ZNF439: variants seen among roughly 807,000 people sequenced by gnomAD.
ZNF439 encodes the protein zinc finger protein 439.
A neutral mutation model predicts 47.3 loss-of-function variants in ZNF439; 40 were observed. That is an observed-to-expected ratio of 0.85 (90% confidence interval 0.66 to 1.10). The LOEUF (loss-of-function observed/expected upper bound fraction) is 1.10. ZNF439 is among the 50% of genes least tolerant of loss of function. The pLI, the probability that ZNF439 is intolerant of heterozygous loss-of-function variation, is 0.00. For synonymous variants in ZNF439, 171 were observed against 198.8 expected (o/e 0.86, Z 1.18); for missense variants, 556 against 601.1 (o/e 0.93, Z 0.78).
rs570522228 is a variant in ZNF439 at position 11,855,810 on chromosome 19, T to C, written c.63+6880T>C. ...CTGACGCTCCAGTAGTTTCTCAGCT[T>C]CTTGCATGGTTTTCTTGAGTTGTCC... is the stretch of plus-strand genomic sequence containing the variant. On this transcript the variant is annotated intron_variant, in intron 1 of 3. Transcript: ENST00000682736. Among the ~76,000 whole-genome samples, 6 of 152,326 alleles carry C rather than the reference T, an allele frequency of 3.9e-5. No individual in the cohort carries two copies. The South Asian group carries it at 1.0e-3, about 26-fold the overall frequency.
At chr19:11,852,634 C>G (rs1285574287) in intron 1 of ZNF439, among the ~76,000 whole-genome samples, 2 of 151,956 alleles carry the variant, frequency 1.3e-5, no homozygotes, top group Non-Finnish European at 2.9e-5. Flanking sequence ...CTTAGCCTCC[C>G]AAGTAGCTGG....
At position 11,852,671 on chromosome 19, in the gene ZNF439, G is replaced by A. The variant is rs141758339; in HGVS notation, c.63+3741G>A. On this transcript the variant is annotated intron_variant, in intron 1 of 3. Coordinates refer to ENST00000682736, the MANE Select transcript of ZNF439 (RefSeq NM_001348719.2). ...ATTACAGGTACATGCCACCATACTC[G>A]GCTAATTTTTGTATTTTTAGTAAAG... Among the ~76,000 whole-genome samples the A allele has an allele frequency of 9.4e-4, 143 of 152,080 alleles. 2 individuals carry two copies. In the East Asian group the frequency reaches 0.014, roughly 15 times the overall value.
intron 1 of ZNF439, among the ~76,000 whole-genome samples, chr19:11,861,902 G>T (rs1467513619): frequency 1.3e-5 from 2 of 152,126 alleles, no homozygotes; most frequent in African/African-American, 4.8e-5. Flanking sequence ...ACATCAGATT[G>T]TCTTTTGGTT....
intron 1 of ZNF439, among the ~76,000 whole-genome samples, chr19:11,862,350 G>A (rs1044151018): frequency 6.6e-6 from 1 of 151,920 alleles, no homozygotes; most frequent in African/African-American, 2.4e-5. Context: ...GGGAGACTGA[G>A]GTGAGAAGAT....
At chr19:11,857,131 G>T (rs1976407686) in intron 1 of ZNF439, 1 of 152,188 alleles carries the variant, frequency 6.6e-6, no homozygotes, top group African/African-American at 2.4e-5. Context: ...CCCTTTGGAA[G>T]AGCCATCGGT....
chr19:11,855,868 C>T (rs282751), intron 1 of ZNF439, among the ~76,000 whole-genome samples: 27,342 of 152,088 alleles, frequency 0.18, 3,389 homozygotes, highest in African/African-American at 0.35. Context: ...GTTGTGACTC[C>T]GGTCAGCCTT....
chr19:11,849,018 T>C (rs995401347), intron 1 of ZNF439, 88 bp downstream of exon 1: 23 of 1,379,566 alleles, frequency 1.7e-5, no homozygotes, highest in Non-Finnish European at 2.2e-5. Context: ...GACTCCGGGG[T>C]CTGGGACCGA....
At chr19:11,856,268 TC>T (rs1976383894) in intron 1 of ZNF439, 2 of 152,228 alleles carry the variant, frequency 1.3e-5, no homozygotes, top group Non-Finnish European at 2.9e-5. Flanking sequence ...TTCTGTTTTT[TC>T]AACATGCATT....
At chr19:11,863,152 C>CT (rs34655587) in intron 1 of ZNF439, among the ~76,000 whole-genome samples, 16,317 of 90,124 alleles carry the variant, frequency 0.18, 2,792 homozygotes, top group Non-Finnish European at 0.26. Flanking sequence ...AAAGATTTTG[C>CT]TTTTTTTTTT....
chr19:11,863,850 C>T (rs140238394), intron 1 of ZNF439, among the ~76,000 whole-genome samples: 1 of 152,208 alleles, frequency 6.6e-6, no homozygotes, highest in African/African-American at 2.4e-5. Context: ...TTTGCTAATC[C>T]AGGTGTTTCA....
intron 1 of ZNF439, among the ~76,000 whole-genome samples, chr19:11,854,476 G>A (rs762924855): frequency 5.9e-5 from 9 of 152,054 alleles, no homozygotes; most frequent in Non-Finnish European, 8.8e-5. Flanking sequence ...TTATGTGTTT[G>A]TGGCCAGGCA....
At chr19:11,854,992 C>T (rs76546609) in intron 1 of ZNF439, among the ~76,000 whole-genome samples, 3,475 of 152,192 alleles carry the variant, frequency 0.023, 75 homozygotes, top group East Asian at 0.078. Flanking sequence ...ATCCCAACCC[C>T]GATGCTGCCA....
Position 11,866,321 on chromosome 19 carries a change from G to C in ZNF439, c.180G>C (p.Leu60=), listed in dbSNP as rs1005586871. The part of the protein sequence containing the change: ...REVMLETFWN[L]TSIGKKWKDQ... ...TGATGCTGGAAACTTTCTGGAACCT[G>C]ACCTCTATAGGTAAGGATGACAATA... Residue 60 remains leucine (L), a synonymous_variant, in exon 2 of 4, where the codon CTG becomes CTC. Transcript: ENST00000682736. The C allele has an allele frequency of 1.2e-6, 2 of 1,613,950 alleles. No individual in the cohort carries two copies. The highest frequency in any genetic ancestry group is 2.7e-5 in the African/African-American group (2 of 74,878).
At chr19:11,859,146 A>G (rs186964980) in intron 1 of ZNF439, among the ~76,000 whole-genome samples, 1 of 152,326 alleles carries the variant, frequency 6.6e-6, no homozygotes, top group East Asian at 1.9e-4. Flanking sequence ...CTCTGCAGCC[A>G]TGGTATGAGG....
intron 1 of ZNF439, 184 bp downstream of exon 1, chr19:11,849,114 G>T: frequency 8.6e-7 from 1 of 1,162,708 alleles, no homozygotes; most frequent in South Asian, 1.8e-5. Context: ...GTCCTGTCCC[G>T]TCCCTGCCCG....
chr19:11,863,962 G>T (rs2145178210), intron 1 of ZNF439, among the ~76,000 whole-genome samples: 1 of 152,168 alleles, frequency 6.6e-6, no homozygotes, highest in African/African-American at 2.4e-5. Flanking sequence ...GGGCTCAAAT[G>T]ATCTGTCCGC....
Position 11,868,839 on chromosome 19 carries a change from G to T in ZNF439, c.*270G>T. 1 of 510,902 alleles carries T rather than the reference G, an allele frequency of 2.0e-6. No individual in the cohort carries two copies. Among genetic ancestry groups the T allele is most frequent in the Non-Finnish European group, 3.6e-6 (1 of 275,452 alleles). The allele number at this position is 510,902 out of a possible 1,614,324, so 31.6% of individuals were successfully genotyped here. On this transcript the variant is annotated 3_prime_UTR_variant, in exon 4 of 4. Transcript: ENST00000682736. ...CTATGAATGTAAGAAATGTGGAAAAGCGTTCCATAATTTCTCTTCTTTTCA... is the reference window on the plus strand; with the variant it reads ...CTATGAATGTAAGAAATGTGGAAAATCGTTCCATAATTTCTCTTCTTTTCA...
At chr19:11,853,684 A>C (rs1976310764) in intron 1 of ZNF439, among the ~76,000 whole-genome samples, 1 of 152,198 alleles carries the variant, frequency 6.6e-6, no homozygotes, top group South Asian at 2.1e-4. Context: ...TGAGTTGGTC[A>C]CAACCTTTGG....
At chr19:11,854,322 C>T (rs1174257008) in intron 1 of ZNF439, among the ~76,000 whole-genome samples, 1 of 152,200 alleles carries the variant, frequency 6.6e-6, no homozygotes, top group African/African-American at 2.4e-5. Flanking sequence ...AATTATCATG[C>T]CTAAGGCTCT....
Sources: gnomAD v4.1 joint callset for allele counts (sites outside exome capture counted in the v4.1 genomes callset) on GRCh38, gnomAD v4.1.1 for gene constraint, MANE v1.5 for transcripts, NCBI Gene and HGNC (gene_info 2026-07-23, HGNC 2026-07-21) for gene names.